NT5M: variants seen among roughly 807,000 people sequenced by gnomAD.
The protein encoded by NT5M is 5',3'-nucleotidase, mitochondrial.
A neutral mutation model predicts 22.2 loss-of-function variants in NT5M; 22 were observed. That is an observed-to-expected ratio of 0.99 (90% confidence interval 0.71 to 1.41). The LOEUF (loss-of-function observed/expected upper bound fraction) is 1.41, where lower values mean the gene tolerates loss of function less well. Ranked by LOEUF, NT5M falls within the 40% of genes most tolerant of loss-of-function variation. The pLI, the probability that NT5M is intolerant of heterozygous loss-of-function variation, is 0.00. For synonymous variants in NT5M, 167 were observed against 133.0 expected (o/e 1.26, Z -1.76); for missense variants, 322 against 314.8 (o/e 1.02, Z -0.17).
intron 2 of NT5M, among the ~76,000 whole-genome samples, chr17:17,314,409 A>G (rs1168267093): frequency 6.6e-6 from 1 of 152,126 alleles, no homozygotes; most frequent in African/African-American, 2.4e-5. Flanking sequence ...CTCCCTGCAT[A>G]TACCCACCTT....
chr17:17,319,632 CT>C (rs2049109165), intron 2 of NT5M, among the ~76,000 whole-genome samples: 1 of 152,146 alleles, frequency 6.6e-6, no homozygotes, highest in Non-Finnish European at 1.5e-5. Flanking sequence ...ATAGACTATA[CT>C]TTCTTTTATG....
intron 3 of NT5M, among the ~76,000 whole-genome samples, chr17:17,335,364 T>C (rs2049486130): frequency 6.6e-6 from 1 of 151,974 alleles, no homozygotes; most frequent in African/African-American, 2.4e-5. Context: ...TTCATGCCAT[T>C]CTCCTGCCTC....
At position 17,303,441 on chromosome 17, in the gene NT5M, G is replaced by T; in HGVS notation, c.-110G>T. Reference sequence around the variant, plus strand: ...CCCCGCTCCCCGTCCCGCGCTCCACGCGCGCCCCAGCGTTGGGGGCTTCTC... The same window carrying T: ...CCCCGCTCCCCGTCCCGCGCTCCACTCGCGCCCCAGCGTTGGGGGCTTCTC... On this transcript the variant is annotated 5_prime_UTR_variant, in exon 1 of 5. Transcript: ENST00000389022. 2.0e-6 allele frequency: 2 copies of T among 995,262 alleles called. No homozygotes were observed. The highest frequency in any genetic ancestry group is 2.4e-6 in the Non-Finnish European group (2 of 836,808). The allele number at this position is 995,262 out of a possible 1,614,324, so 61.7% of individuals were successfully genotyped here.
rs775697327 is a variant in NT5M at position 17,323,199 on chromosome 17, T to C, written c.383T>C (p.Ile128Thr). 3 of 1,614,104 alleles carry C rather than the reference T, an allele frequency of 1.9e-6. No individual in the cohort carries two copies. Among genetic ancestry groups the C allele is most frequent in the Non-Finnish European group, 2.5e-6 (3 of 1,179,948 alleles). ...CTTGTTGACAGCACTGACGTCTTCA[T>C]CTGCACAAGCCCCATCAAGATGTTC... is the stretch of plus-strand genomic sequence containing the variant. ...MASLQNTDVF[I>T]CTSPIKMFKY... The change falls in exon 3 of 5, where the codon ATC becomes ACC. Residue 128 changes from isoleucine to threonine, a missense_variant. Coordinates refer to ENST00000389022, the MANE Select transcript of NT5M (RefSeq NM_020201.4).
At chr17:17,308,565 C>T (rs1418871845) in intron 2 of NT5M, among the ~76,000 whole-genome samples, 1 of 151,950 alleles carries the variant, frequency 6.6e-6, no homozygotes, top group Non-Finnish European at 1.5e-5. Context: ...GCACTCCAGC[C>T]TGGGCAACAG....
chr17:17,328,498 C>T (rs773092677), intron 3 of NT5M, among the ~76,000 whole-genome samples: 5 of 152,172 alleles, frequency 3.3e-5, no homozygotes, highest in Non-Finnish European at 5.9e-5. Flanking sequence ...TGGCTGAGGG[C>T]GGGCTGGTAT....
intron 2 of NT5M, among the ~76,000 whole-genome samples, chr17:17,316,368 T>C (rs1034022406): frequency 5.1e-5 from 5 of 98,192 alleles, no homozygotes; most frequent in Non-Finnish European, 1.1e-4. Context: ...GTAACTTAGG[T>C]TTTTATTTAT....
chr17:17,308,866 G>A (rs1176437140), intron 2 of NT5M, among the ~76,000 whole-genome samples: 3 of 152,226 alleles, frequency 2.0e-5, no homozygotes, highest in East Asian at 3.9e-4. Context: ...GGTCTTTTGG[G>A]TCTGGCTTCT....
At chr17:17,315,743 GGTTTTTTTGT>G (rs1567884367) in intron 2 of NT5M, among the ~76,000 whole-genome samples, 14 of 131,332 alleles carry the variant, frequency 1.1e-4, no homozygotes, top group African/African-American at 1.7e-4. Flanking sequence ...TCTAACTTAG[GGTTTTTTTGT>G]TTTTTTTTTT....
chr17:17,303,700 G>T lies in NT5M; in HGVS notation c.150G>T (p.Glu50Asp), dbSNP rs2048729958. The change falls in exon 1 of 5, where the codon GAG becomes GAT. Residue 50 changes from glutamate (E) to aspartate (D), a missense_variant. By Grantham distance (45) the Glu-to-Asp change is conservative. Transcript: ENST00000389022. ...VDMDGVLADFEGGFLRKFRAR... is the reference protein window; with the variant it reads ...VDMDGVLADFDGGFLRKFRAR... ...TGGACGGCGTGCTGGCTGACTTCGA[G>T]GGCGGATTCCTCAGGAAGTTCCGCG... The T allele has an allele frequency of 6.3e-7, 1 of 1,589,602 alleles. No individual in the cohort carries two copies. The highest frequency in any genetic ancestry group is 8.5e-7 in the Non-Finnish European group (1 of 1,170,490).
intron 3 of NT5M, among the ~76,000 whole-genome samples, chr17:17,338,120 C>T (rs763794113): frequency 6.6e-6 from 1 of 151,808 alleles, no homozygotes; most frequent in Non-Finnish European, 1.5e-5. Context: ...GTCGTTTCCC[C>T]AATATATGTT....
chr17:17,347,218 G>C lies in NT5M; in HGVS notation c.*271G>C, dbSNP rs1281517951. 1 of 495,296 alleles carries C rather than the reference G, an allele frequency of 2.0e-6. No individual in the cohort carries two copies. Among genetic ancestry groups the C allele is most frequent in the African/African-American group, 2.0e-5 (1 of 50,864 alleles). The allele number at this position is 495,296 out of a possible 1,614,324, so 30.7% of individuals were successfully genotyped here. ...CAGGCACCAAGCTGCCAGAAGCCCA[G>C]GGGCTCAGGACAGGGAGGAGTTGAG... is the stretch of plus-strand genomic sequence containing the variant. On this transcript the variant is annotated 3_prime_UTR_variant, in exon 5 of 5. Coordinates refer to ENST00000389022, the MANE Select transcript of NT5M (RefSeq NM_020201.4).
At chr17:17,314,671 C>T (rs532660672) in intron 2 of NT5M, among the ~76,000 whole-genome samples, 1 of 152,304 alleles carries the variant, frequency 6.6e-6, no homozygotes, top group South Asian at 2.1e-4. Context: ...ACCCTGCCTT[C>T]CTTTCCAACC....
At position 17,344,551 on chromosome 17, in the gene NT5M, G is replaced by A. The variant is rs149056348; in HGVS notation, c.430-243G>A. On this transcript the variant is annotated intron_variant, in intron 3 of 4. Transcript: ENST00000389022. ...AAGAGGGGACAGGGCTGGGTTTGTC[G>A]TGACTCTGCTGCTTTCTAGCTACTG... is the stretch of plus-strand genomic sequence containing the variant. Among the ~76,000 whole-genome samples the A allele has an allele frequency of 2.6e-3, 392 of 152,262 alleles. 1 individual carries two copies. The highest frequency in any genetic ancestry group is 4.6e-3 in the Non-Finnish European group (315 of 67,998).
Position 17,303,817 on chromosome 17 carries a change from C to T in NT5M, c.267C>T (p.Ser89=). ...ACGGCCGCCTGCGGCCAGGGCTGAG[C>T]GTGAGCGTCCCCGCCCCGCCCCGCG... ...EQYGRLRPGL[S]EKAISIWESK... The change falls in exon 1 of 5, where the codon AGC becomes AGT. Residue 89 remains serine (S), a splice_region_variant and synonymous_variant. Transcript: ENST00000389022. The T allele has an allele frequency of 6.9e-7, 1 of 1,455,468 alleles. No individual in the cohort carries two copies. The highest frequency in any genetic ancestry group is 1.3e-5 in the South Asian group (1 of 75,530). 90.2% of individuals were successfully genotyped at this position (1,455,468 alleles called of 1,614,324 possible).
At chr17:17,312,406 C>T (rs1196767960) in intron 2 of NT5M, among the ~76,000 whole-genome samples, 1 of 152,022 alleles carries the variant, frequency 6.6e-6, no homozygotes, top group Non-Finnish European at 1.5e-5. Flanking sequence ...CTTTGGGAGG[C>T]CAAGGTGGGC....
chr17:17,334,092 C>G (rs539945569), intron 3 of NT5M, among the ~76,000 whole-genome samples: 99 of 152,130 alleles, frequency 6.5e-4, no homozygotes, highest in African/African-American at 2.2e-3. Context: ...CTCGGCCTCC[C>G]AAAGTGCTGG....
chr17:17,343,016 A>G (rs2049678388), intron 3 of NT5M, among the ~76,000 whole-genome samples: 1 of 152,234 alleles, frequency 6.6e-6, no homozygotes, highest in African/African-American at 2.4e-5. Context: ...ATGCCTGTGG[A>G]GTGGGTCTGC....
chr17:17,306,493 A>G (rs1190958955), intron 1 of NT5M, 50 bp from the exon 2 acceptor site: 6 of 1,277,878 alleles, frequency 4.7e-6, no homozygotes, highest in Non-Finnish European at 6.9e-6. Flanking sequence ...AGATGAGGGC[A>G]GTAAGGTGCT....
Sources: allele counts gnomAD v4.1 joint callset (sites outside exome capture counted in the v4.1 genomes callset), GRCh38; gene constraint gnomAD v4.1.1; transcripts MANE v1.5; gene names NCBI Gene and HGNC (gene_info 2026-07-23, HGNC 2026-07-21).